The following SGCZ variants were observed in gnomAD, a reference collection of about 807,000 sequenced individuals.
SGCZ encodes the protein zeta-sarcoglycan.
Under a neutral mutation model 41.3 loss-of-function variants are expected in SGCZ, and 40 were observed. That is an observed-to-expected ratio of 0.97 (90% CI 0.75 to 1.26). The LOEUF (loss-of-function observed/expected upper bound fraction) is 1.26, where lower values mean the gene tolerates loss of function less well. Among genes scored for constraint, SGCZ ranks in the 50% most tolerant of loss-of-function variants. The pLI is 0.00. For synonymous variants in SGCZ, 206 were observed against 137.5 expected (o/e 1.50, Z -3.49); for missense variants, 552 against 369.8 (o/e 1.49, Z -4.04).
At chr8:14,371,520 T>C (rs1046040859) in intron 2 of SGCZ, among the ~76,000 whole-genome samples, 25 of 151,712 alleles carry the variant, frequency 1.6e-4, no homozygotes, top group African/African-American at 5.8e-4. Flanking sequence ...TATGTAAATA[T>C]AAAAAAAAGT....
chr8:14,885,985 T>TTATATATATATATA (rs71209089), intron 1 of SGCZ, among the ~76,000 whole-genome samples: 2 of 55,984 alleles, frequency 3.6e-5, no homozygotes, highest in African/African-American at 6.9e-5. Flanking sequence ...GGACTTTATG[T>TTATATATATATATA]TATATATATA....
intron 1 of SGCZ, among the ~76,000 whole-genome samples, chr8:14,601,584 G>C (rs774524820): frequency 3.9e-5 from 6 of 152,056 alleles, no homozygotes; most frequent in Non-Finnish European, 8.8e-5. Flanking sequence ...CTAATACGTA[G>C]AGCATACAAG....
chr8:14,181,952 T>C (rs1804742211), intron 4 of SGCZ, among the ~76,000 whole-genome samples: 1 of 152,182 alleles, frequency 6.6e-6, no homozygotes, highest in East Asian at 1.9e-4. Flanking sequence ...GTTAACCCAA[T>C]TAGGTTTCTC....
intron 3 of SGCZ, among the ~76,000 whole-genome samples, chr8:14,248,218 A>G (rs932495993): frequency 5.3e-5 from 8 of 152,228 alleles, no homozygotes; most frequent in Admixed American, 4.6e-4. Context: ...TAATAGAATG[A>G]TAGTTCATTT....
chr8:14,425,489 C>T (rs13268559), intron 2 of SGCZ, among the ~76,000 whole-genome samples: 30,802 of 151,840 alleles, frequency 0.2, 3,748 homozygotes, highest in Non-Finnish European at 0.29. Context: ...GGCTTGGTGG[C>T]AGCCACCTGT....
At chr8:14,394,198 T>G (rs1459386906) in intron 2 of SGCZ, among the ~76,000 whole-genome samples, 2 of 143,976 alleles carry the variant, frequency 1.4e-5, no homozygotes, top group African/African-American at 2.6e-5. Flanking sequence ...TTGCCCAGGC[T>G]GGAGTGCAGT....
At chr8:14,307,109 CTT>C (rs1290496035) in intron 3 of SGCZ, among the ~76,000 whole-genome samples, 2 of 152,120 alleles carry the variant, frequency 1.3e-5, no homozygotes, top group African/African-American at 4.8e-5. Flanking sequence ...GCTATAATAA[CTT>C]TAACTTAAGT....
At chr8:15,178,442 A>T (rs1800064313) in intron 1 of SGCZ, among the ~76,000 whole-genome samples, 1 of 152,190 alleles carries the variant, frequency 6.6e-6, no homozygotes, top group Non-Finnish European at 1.5e-5. Flanking sequence ...CTATATTAAG[A>T]GGACATATTT....
chr8:14,202,958 G>C (rs1334797817), intron 4 of SGCZ, among the ~76,000 whole-genome samples: 2 of 152,156 alleles, frequency 1.3e-5, no homozygotes, highest in Non-Finnish European at 2.9e-5. Flanking sequence ...GGTCTTTCCT[G>C]TGGTGTTCTC....
intron 1 of SGCZ, among the ~76,000 whole-genome samples, chr8:14,776,496 T>C (rs972965506): frequency 1.3e-5 from 2 of 151,158 alleles, no homozygotes; most frequent in Non-Finnish European, 2.9e-5. Flanking sequence ...GAAATCAGAC[T>C]AATACACTTT....
chr8:14,811,755 A>T (rs981402629), intron 1 of SGCZ, among the ~76,000 whole-genome samples: 1 of 151,888 alleles, frequency 6.6e-6, no homozygotes, highest in Non-Finnish European at 1.5e-5. Context: ...AGGTAACAGA[A>T]ATGACACATG....
At chr8:15,132,602 C>G (rs1039838398) in intron 1 of SGCZ, among the ~76,000 whole-genome samples, 1 of 152,082 alleles carries the variant, frequency 6.6e-6, no homozygotes, top group African/African-American at 2.4e-5. Flanking sequence ...AATAATTTAA[C>G]CAGAAAGACT....
chr8:14,731,918 A>G (rs1486118873), intron 1 of SGCZ, among the ~76,000 whole-genome samples: 1 of 152,168 alleles, frequency 6.6e-6, no homozygotes, highest in African/African-American at 2.4e-5. Flanking sequence ...TCATGTTAAT[A>G]ACCTTACATA....
rs571874611 is a variant in SGCZ at position 14,570,352 on chromosome 8, T to C, written c.40-15426A>G. 2.0e-5 allele frequency among the ~76,000 whole-genome samples: 3 copies of C among 152,302 alleles called. No homozygotes were observed. In the East Asian group the frequency reaches 5.8e-4, roughly 29 times the overall value. On this transcript the variant is annotated intron_variant, in intron 1 of 7. Transcript: ENST00000382080. ...AGTCTTCCTCAACAAGAATATAAGG[T>C]GTGATAGTCAGAGGATGGAGTTAAT...
intron 1 of SGCZ, among the ~76,000 whole-genome samples, chr8:15,200,692 T>C (rs1157196907): frequency 6.6e-6 from 1 of 152,170 alleles, no homozygotes; most frequent in African/African-American, 2.4e-5. Flanking sequence ...CAAAACATAG[T>C]AGATCAGAAA....
At chr8:14,096,348 C>G (rs1321698123) in intron 7 of SGCZ, among the ~76,000 whole-genome samples, 1 of 152,058 alleles carries the variant, frequency 6.6e-6, no homozygotes, top group Non-Finnish European at 1.5e-5. Flanking sequence ...TTTCCTGCAT[C>G]TATTGAGATA....
chr8:14,589,436 A>G (rs1022313470), intron 1 of SGCZ, among the ~76,000 whole-genome samples: 2 of 152,100 alleles, frequency 1.3e-5, no homozygotes, highest in Non-Finnish European at 2.9e-5. Context: ...AATGACATTC[A>G]CCAGAAATGT....
intron 2 of SGCZ, among the ~76,000 whole-genome samples, chr8:14,549,765 A>G (rs2117173894): frequency 6.6e-6 from 1 of 152,220 alleles, no homozygotes; most frequent in East Asian, 1.9e-4. Context: ...GAATACAGAC[A>G]AATAAAAGAA....
At chr8:14,964,669 T>C (rs1405854522) in intron 1 of SGCZ, among the ~76,000 whole-genome samples, 3 of 152,124 alleles carry the variant, frequency 2.0e-5, no homozygotes, top group Non-Finnish European at 4.4e-5. Context: ...TGGTTCTTTT[T>C]TAAATAATTC....
Sources: allele counts gnomAD v4.1 joint callset (sites outside exome capture counted in the v4.1 genomes callset), GRCh38; gene constraint gnomAD v4.1.1; transcripts MANE v1.5; gene names NCBI Gene and HGNC (gene_info 2026-07-23, HGNC 2026-07-21).